FGF12: variants seen among roughly 807,000 people sequenced by gnomAD.
FGF12 encodes the protein fibroblast growth factor 12, also known as fibroblast growth factor 12B.
Under a neutral mutation model 23.6 loss-of-function variants are expected in FGF12, and 14 were observed. That is an observed-to-expected ratio of 0.59 (90% CI 0.39 to 0.93). The LOEUF (loss-of-function observed/expected upper bound fraction) is 0.93, where lower values mean the gene tolerates loss of function less well. Ranked by LOEUF, FGF12 falls within the 40% of genes least tolerant of loss-of-function variation. The pLI, the probability that FGF12 is intolerant of heterozygous loss-of-function variation, is 0.00. For missense variants in FGF12, 175 were observed against 217.8 expected, an observed-to-expected ratio of 0.80 and a Z score of 1.24; for synonymous variants, 62 against 77.3, an observed-to-expected ratio of 0.80 and a Z score of 1.04.
At position 192,357,909 on chromosome 3, in the gene FGF12, G is replaced by C. The variant is rs1325411497; in HGVS notation, c.124+2519C>G. On this transcript the variant is annotated intron_variant, in intron 3 of 5. Transcript: ENST00000445105. Reference sequence around the variant, plus strand: ...GATCTTAGCAGCACTATTTGTAATGGCCTTAACATAGAAACAATGATTATA... The same window carrying C: ...GATCTTAGCAGCACTATTTGTAATGCCCTTAACATAGAAACAATGATTATA... Among the ~76,000 whole-genome samples, 3 of 152,082 alleles carry C rather than the reference G, an allele frequency of 2.0e-5. No homozygotes were observed. In the East Asian group the frequency reaches 5.8e-4, roughly 29 times the overall value.
intron 4 of FGF12, among the ~76,000 whole-genome samples, chr3:192,249,015 T>C (rs905517901): frequency 9.7e-4 from 147 of 152,260 alleles, no homozygotes; most frequent in African/African-American, 3.5e-3. Flanking sequence ...GATTAACAAA[T>C]GCAAAACTAG....
At chr3:192,288,357 T>A (rs527925335) in intron 4 of FGF12, among the ~76,000 whole-genome samples, 1 of 152,172 alleles carries the variant, frequency 6.6e-6, no homozygotes, top group South Asian at 2.1e-4. Flanking sequence ...ACATAAACCA[T>A]CTAGGTATCG....
chr3:192,281,336 G>A (rs4687312), intron 4 of FGF12, among the ~76,000 whole-genome samples: 55,858 of 151,802 alleles, frequency 0.37, 11,347 homozygotes, highest in East Asian at 0.9. Flanking sequence ...CCTTCTACCT[G>A]TGTATCTCTG....
chr3:192,573,594 G>C (rs1163749808), intron 2 of FGF12, among the ~76,000 whole-genome samples: 1 of 152,116 alleles, frequency 6.6e-6, no homozygotes, highest in African/African-American at 2.4e-5. Context: ...TGGCTCTGCA[G>C]ACAGTGGACC....
chr3:192,225,957 G>A (rs1242797346), intron 4 of FGF12, among the ~76,000 whole-genome samples: 1 of 152,180 alleles, frequency 6.6e-6, no homozygotes, highest in Non-Finnish European at 1.5e-5. Context: ...GGGGAAGGAT[G>A]GAATAGGAAG....
At chr3:192,194,176 T>C (rs766601058) in intron 4 of FGF12, among the ~76,000 whole-genome samples, 2 of 152,206 alleles carry the variant, frequency 1.3e-5, no homozygotes, top group Non-Finnish European at 2.9e-5. Context: ...TTCACATAGG[T>C]CAGAAATTTG....
chr3:192,322,586 A>G (rs573451012), intron 4 of FGF12, among the ~76,000 whole-genome samples: 1 of 152,052 alleles, frequency 6.6e-6, no homozygotes, highest in Non-Finnish European at 1.5e-5. Flanking sequence ...GCATTACCTG[A>G]CTTCAAATTA....
At chr3:192,503,497 T>C (rs1193120833) in intron 2 of FGF12, among the ~76,000 whole-genome samples, 1 of 151,998 alleles carries the variant, frequency 6.6e-6, no homozygotes, top group Non-Finnish European at 1.5e-5. Context: ...CCATTTTACA[T>C]TTTTTATCCG....
intron 2 of FGF12, among the ~76,000 whole-genome samples, chr3:192,716,964 G>T (rs2108743797): frequency 6.6e-6 from 1 of 152,264 alleles, no homozygotes. Flanking sequence ...GCTTAATTAA[G>T]CCCCTAGGGG....
chr3:192,710,236 G>A (rs552733301), intron 2 of FGF12, among the ~76,000 whole-genome samples: 86 of 152,130 alleles, frequency 5.7e-4, no homozygotes, highest in African/African-American at 2.0e-3. Flanking sequence ...TTTCCATGGG[G>A]TTATTTAGTA....
At chr3:192,544,841 G>A (rs73197283) in intron 2 of FGF12, among the ~76,000 whole-genome samples, 4,154 of 152,234 alleles carry the variant, frequency 0.027, 96 homozygotes, top group Non-Finnish European at 0.04. Context: ...GGGTACAGTC[G>A]TGAGTATAGC....
At chr3:192,636,655 C>A (rs1715595579) in intron 2 of FGF12, among the ~76,000 whole-genome samples, 1 of 152,168 alleles carries the variant, frequency 6.6e-6, no homozygotes, top group Non-Finnish European at 1.5e-5. Flanking sequence ...AGAGTCATAG[C>A]TATTGGCTAC....
chr3:192,295,579 G>C (rs1714985795), intron 4 of FGF12, among the ~76,000 whole-genome samples: 1 of 152,126 alleles, frequency 6.6e-6, no homozygotes, highest in Non-Finnish European at 1.5e-5. Context: ...TCTATCCAAG[G>C]AATAAGAGCT....
intron 2 of FGF12, among the ~76,000 whole-genome samples, chr3:192,472,706 T>C (rs1478788140): frequency 6.6e-6 from 1 of 152,000 alleles, no homozygotes; most frequent in Non-Finnish European, 1.5e-5. Context: ...AAGAGGGATG[T>C]CTCATTTTCT....
chr3:192,595,558 C>A (rs969147034), intron 2 of FGF12, among the ~76,000 whole-genome samples: 7 of 152,202 alleles, frequency 4.6e-5, no homozygotes, highest in African/African-American at 1.7e-4. Context: ...TATTAAAACA[C>A]AGATTGCTGG....
At chr3:192,668,569 CTGGTACACAGGGTCTGCG>C (rs1165553504) in intron 2 of FGF12, among the ~76,000 whole-genome samples, 1 of 152,146 alleles carries the variant, frequency 6.6e-6, no homozygotes, top group Non-Finnish European at 1.5e-5. Flanking sequence ...TGGTTTTCTG[CTGGTACACAGGGTCTGCG>C]TGGTACACAG....
intron 2 of FGF12, among the ~76,000 whole-genome samples, chr3:192,553,659 G>A (rs143235974): frequency 1.3e-5 from 2 of 152,232 alleles, no homozygotes; most frequent in East Asian, 3.9e-4. Flanking sequence ...ATTGAAACCA[G>A]TAAGAAAATT....
intron 2 of FGF12, among the ~76,000 whole-genome samples, chr3:192,565,806 G>T (rs1468139941): frequency 6.6e-6 from 1 of 152,344 alleles, no homozygotes; most frequent in East Asian, 1.9e-4. Context: ...GCATGACTGG[G>T]CCGGGCATGG....
At chr3:192,193,205 C>T (rs11709364) in intron 4 of FGF12, among the ~76,000 whole-genome samples, 12,648 of 152,196 alleles carry the variant, frequency 0.083, 664 homozygotes, top group South Asian at 0.23. Flanking sequence ...TTCCTGGTCT[C>T]GCTTGCCTTG....
Sources: allele counts gnomAD v4.1 joint callset (sites outside exome capture counted in the v4.1 genomes callset), GRCh38; gene constraint gnomAD v4.1.1; transcripts MANE v1.5; gene names NCBI Gene and HGNC (gene_info 2026-07-23, HGNC 2026-07-21).